The following NELL2 variants were observed in gnomAD, a reference collection of about 807,000 sequenced individuals.
NELL2 encodes the protein protein kinase C-binding protein NELL2.
A neutral mutation model predicts 109.6 loss-of-function variants in NELL2; 41 were observed. That is an observed-to-expected ratio of 0.37 (90% confidence interval 0.29 to 0.49). NELL2 has a LOEUF of 0.49. NELL2 is among the 20% of genes least tolerant of loss of function. The pLI, the probability that NELL2 is intolerant of heterozygous loss-of-function variation, is 0.98. For synonymous variants in NELL2, 355 were observed against 344.7 expected (o/e 1.03, Z -0.33); for missense variants, 900 against 1,008.3 (o/e 0.89, Z 1.45).
At chr12:44,728,105 AAAAT>A (rs1301676895) in intron 9 of NELL2, among the ~76,000 whole-genome samples, 2 of 152,186 alleles carry the variant, frequency 1.3e-5, no homozygotes, top group East Asian at 1.9e-4. Flanking sequence ...AAAAAAATAA[AAAAT>A]AAACCCACAG....
chr12:44,791,097 G>GTATATATACA (rs1942384559), intron 3 of NELL2, among the ~76,000 whole-genome samples: 1 of 38,496 alleles, frequency 2.6e-5, no homozygotes, highest in Non-Finnish European at 4.7e-5. Flanking sequence ...ATATATATAT[G>GTATATATACA]TATATATATA....
chr12:44,776,115 A>T lies in NELL2; in HGVS notation c.798T>A (p.Asp266Glu). 1 of 1,614,066 alleles carries T rather than the reference A, an allele frequency of 6.2e-7. No homozygotes were observed. The highest frequency in any genetic ancestry group is 1.1e-5 in the South Asian group (1 of 91,074). The change falls in exon 8 of 20, where the codon GAT (aspartate) becomes GAA (glutamate). Residue 266 changes from aspartate (D) to glutamate (E), a missense_variant. Physicochemically the swap from Asp to Glu is conservative, Grantham distance 45. This residue lies in a region of NELL2 where 292 missense variants were observed against 265.3 expected (regional missense o/e 1.10). Transcript: ENST00000429094. ...TGCAAGTCCTTTCACAATAGCACTGATCCAATCTATTCATTCGCTGTTCAG... is the reference window on the plus strand; with the variant it reads ...TGCAAGTCCTTTCACAATAGCACTGTTCCAATCTATTCATTCGCTGTTCAG... ...SRAEQRMNRL[D>E]QCYCERTCTM... is the part of the protein sequence containing the mutation.
chr12:44,641,719 T>TG (rs1253477406), intron 13 of NELL2, among the ~76,000 whole-genome samples: 1 of 129,684 alleles, frequency 7.7e-6, no homozygotes, highest in African/African-American at 3.0e-5. Flanking sequence ...TTTTTTGAGA[T>TG]GGAGTCTTGC....
intron 9 of NELL2, among the ~76,000 whole-genome samples, chr12:44,725,812 A>G (rs1057364111): frequency 3.3e-5 from 5 of 152,192 alleles, no homozygotes; most frequent in African/African-American, 1.2e-4. Context: ...GAACTTATGA[A>G]CACAAAGAAG....
At chr12:44,524,582 A>G (rs891118289) in intron 16 of NELL2, among the ~76,000 whole-genome samples, 1 of 152,186 alleles carries the variant, frequency 6.6e-6, no homozygotes, top group South Asian at 2.1e-4. Flanking sequence ...CATTAACTGA[A>G]GACTTGGACT....
upstream of NELL2, chr12:44,880,962 G>A (rs1030033688): frequency 6.6e-6 from 1 of 151,928 alleles, no homozygotes; most frequent in Non-Finnish European, 1.5e-5. Context: ...ACTGCACTCA[G>A]ACCAGCCAGG....
At chr12:44,609,041 T>A (rs943448444) in intron 14 of NELL2, among the ~76,000 whole-genome samples, 1 of 151,962 alleles carries the variant, frequency 6.6e-6, no homozygotes, top group Admixed American at 6.6e-5. Flanking sequence ...TTTGGGGCCA[T>A]TAACAGTAAA....
At position 44,790,083 on chromosome 12, in the gene NELL2, C is replaced by T. The variant is rs1942324654; in HGVS notation, c.336-10061G>A. Among the ~76,000 whole-genome samples, 6 of 152,272 alleles carry T rather than the reference C, an allele frequency of 3.9e-5. No individual in the cohort carries two copies. The South Asian group carries it at 1.2e-3, about 32-fold the overall frequency. ...AATAATTGAGGAAAACTTCCCTGGC[C>T]TTGCTGGAGACCTAGACATCCAAAT... On this transcript the variant is annotated intron_variant, in intron 3 of 19. Coordinates refer to ENST00000429094, the MANE Select transcript of NELL2 (RefSeq NM_001145108.2).
At position 44,743,201 on chromosome 12, in the gene NELL2, A is replaced by T. The variant is rs535255912; in HGVS notation, c.995-28460T>A. Among the ~76,000 whole-genome samples the T allele has an allele frequency of 2.0e-5, 3 of 152,300 alleles. No individual in the cohort carries two copies. The South Asian group carries it at 6.2e-4, about 32-fold the overall frequency. On this transcript the variant is annotated intron_variant, in intron 9 of 19. Coordinates refer to ENST00000429094, the MANE Select transcript of NELL2 (RefSeq NM_001145108.2). ...CCAGAATTTCATATCCACCCAAACT[A>T]AGCTTCATAAATGAAGGAGAAATAA...
chr12:44,741,846 G>C (rs550129164), intron 9 of NELL2, among the ~76,000 whole-genome samples: 151 of 152,360 alleles, frequency 9.9e-4, no homozygotes, highest in African/African-American at 3.3e-3. Context: ...CACAGCTCAA[G>C]GAGGCCAGTC....
At chr12:44,740,317 T>C (rs1016943154) in intron 9 of NELL2, among the ~76,000 whole-genome samples, 1 of 152,168 alleles carries the variant, frequency 6.6e-6, no homozygotes, top group East Asian at 1.9e-4. Flanking sequence ...TGTATCTGGA[T>C]ATAATTCCTA....
At chr12:44,524,156 C>A (rs1941665690) in intron 16 of NELL2, among the ~76,000 whole-genome samples, 1 of 152,172 alleles carries the variant, frequency 6.6e-6, no homozygotes, top group African/African-American at 2.4e-5. Flanking sequence ...TTCAGATTAT[C>A]ATTTTGTCCC....
At chr12:44,833,077 C>A (rs1027688997) in intron 2 of NELL2, among the ~76,000 whole-genome samples, 1 of 152,146 alleles carries the variant, frequency 6.6e-6, no homozygotes, top group Admixed American at 6.5e-5. Context: ...ATTCCACCAC[C>A]AGTTTTGGGG....
intron 9 of NELL2, among the ~76,000 whole-genome samples, chr12:44,742,445 A>G (rs1940039662): frequency 6.6e-6 from 1 of 152,224 alleles, no homozygotes; most frequent in Admixed American, 6.5e-5. Context: ...GCAATGAAAC[A>G]AAGCTGGACG....
rs137907420 is a variant in NELL2 at position 44,906,800 on chromosome 12, C to T, written c.38+6999G>A. Among the ~76,000 whole-genome samples, 9 of 152,120 alleles carry T rather than the reference C, an allele frequency of 5.9e-5. No homozygotes were observed. The East Asian group carries it at 1.4e-3, about 23-fold the overall frequency. On this transcript the variant is annotated intron_variant, in intron 1 of 20. Transcript: ENST00000333837. ...TGTCCAAATAGAAATACTGATCTGGCAGCTGGAGTTTAATGATTGAGATTT... is the reference window on the plus strand; with the variant it reads ...TGTCCAAATAGAAATACTGATCTGGTAGCTGGAGTTTAATGATTGAGATTT...
intron 9 of NELL2, among the ~76,000 whole-genome samples, chr12:44,720,981 G>C (rs1467045100): frequency 6.6e-6 from 1 of 152,166 alleles, no homozygotes; most frequent in Non-Finnish European, 1.5e-5. Context: ...GTAGTGAGGG[G>C]TTAGGAGGCA....
chr12:44,661,953 T>C (rs1947758516), intron 13 of NELL2, among the ~76,000 whole-genome samples: 1 of 151,884 alleles, frequency 6.6e-6, no homozygotes, highest in African/African-American at 2.4e-5. Flanking sequence ...CTCCTGCTCC[T>C]CTCTCTCTCT....
chr12:44,764,834 T>G lies in NELL2; in HGVS notation c.994+9913A>C, dbSNP rs76175652. ...ATATCCTGACATCTTACTGCATACT[T>G]AAGATCAAAAAGAGAGAGAGAGAGA... On this transcript the variant is annotated intron_variant, in intron 9 of 19. Coordinates refer to ENST00000429094, the MANE Select transcript of NELL2 (RefSeq NM_001145108.2). Among the ~76,000 whole-genome samples, 679 of 151,494 alleles carry G rather than the reference T, an allele frequency of 4.5e-3. 2 individuals are homozygous for G. The highest frequency in any genetic ancestry group is 7.7e-3 in the Non-Finnish European group (525 of 67,868).
intron 12 of NELL2, among the ~76,000 whole-genome samples, chr12:44,686,810 C>G (rs1354566380): frequency 8.5e-5 from 13 of 152,206 alleles, no homozygotes; most frequent in Admixed American, 7.9e-4. Context: ...CGCCACTGCT[C>G]TCTTCAAAGC....
Sources: allele counts gnomAD v4.1 joint callset (sites outside exome capture counted in the v4.1 genomes callset), GRCh38; gene constraint gnomAD v4.1.1; regional missense constraint gnomAD v4.1.1; transcripts MANE v1.5; gene names NCBI Gene and HGNC (gene_info 2026-07-23, HGNC 2026-07-21).